Variants in CDK13 observed in about 807,000 individuals in gnomAD.
CDK13 encodes the protein cyclin dependent kinase 13.
CDK13 carries 40 observed loss-of-function variants against 137.6 expected under a neutral mutation model. The ratio of observed to expected loss-of-function variants is 0.29; its 90% confidence interval spans 0.23 to 0.38. The LOEUF is 0.38. CDK13 is among the 10% of genes least tolerant of loss of function. The pLI is 1.00. For missense variants in CDK13, 1,704 were observed against 1,951.8 expected, an observed-to-expected ratio of 0.87 and a Z score of 2.39; for synonymous variants, 869 against 760.1, an observed-to-expected ratio of 1.14 and a Z score of -2.36.
chr7:40,086,021 A>G (rs1221649878), intron 11 of CDK13, among the ~76,000 whole-genome samples: 1 of 152,130 alleles, frequency 6.6e-6, no homozygotes, highest in East Asian at 1.9e-4. Flanking sequence ...TCTTTTGTAT[A>G]TACTTTTTGT....
intron 5 of CDK13, among the ~76,000 whole-genome samples, chr7:40,026,956 C>T (rs975251674): frequency 2.0e-5 from 3 of 152,140 alleles, no homozygotes; most frequent in Non-Finnish European, 4.4e-5. Context: ...ATGATTCGCA[C>T]CTTTCTGATA....
intron 1 of CDK13, among the ~76,000 whole-genome samples, chr7:39,982,971 G>C (rs1784261325): frequency 6.6e-6 from 1 of 152,140 alleles, no homozygotes; most frequent in Admixed American, 6.6e-5. Context: ...TAGGTTGCCT[G>C]TTCACTCTGA....
At position 40,094,607 on chromosome 7, in the gene CDK13, G is replaced by A; in HGVS notation, c.4166G>A (p.Gly1389Asp). Residue 1389 changes from glycine (G) to aspartate (D), a missense_variant, in exon 14 of 14, where the codon GGT (glycine) becomes GAT (aspartate). Gly to Asp is a moderately conservative substitution (Grantham distance 94). Around this residue, in one of 5 missense-constraint regions of CDK13, gnomAD observed 475 missense variants for 579.3 expected, o/e 0.82. Transcript: ENST00000181839. Reference protein sequence around the residue: ...NYSTASSHSGGPPQPSAFSES... With the variant: ...NYSTASSHSGDPPQPSAFSES... ...AGTACTGCTTCATCTCATTCTGGTGGTCCACCTCAGCCTTCTGCCTTTTCT... is the reference window on the plus strand; with the variant it reads ...AGTACTGCTTCATCTCATTCTGGTGATCCACCTCAGCCTTCTGCCTTTTCT... The A allele has an allele frequency of 6.2e-7, 1 of 1,613,794 alleles. No individual in the cohort carries two copies.
chr7:39,950,619 C>T lies in CDK13; in HGVS notation c.-23C>T. On this transcript the variant is annotated 5_prime_UTR_variant, in exon 1 of 14. Transcript: ENST00000181839. ...CCGGGAGGAGGCCGCACCCGCGCCG[C>T]GCTCTGCGGCTGGCTCTAGGCGATG... 1.6e-6 allele frequency: 2 copies of T among 1,289,660 alleles called. No homozygotes were observed. The highest frequency in any genetic ancestry group is 2.0e-6 in the Non-Finnish European group (2 of 1,018,970). The allele number at this position is 1,289,660 out of a possible 1,614,324, so 79.9% of individuals were successfully genotyped here.
At chr7:39,978,232 T>TA (rs1290976769) in intron 1 of CDK13, among the ~76,000 whole-genome samples, 3 of 152,310 alleles carry the variant, frequency 2.0e-5, no homozygotes, top group Admixed American at 6.5e-5. Flanking sequence ...GCCATAGAAG[T>TA]AAGAAAATCA....
At chr7:40,020,598 T>A (rs990725855) in intron 5 of CDK13, among the ~76,000 whole-genome samples, 1 of 152,210 alleles carries the variant, frequency 6.6e-6, no homozygotes, top group African/African-American at 2.4e-5. Flanking sequence ...TACACATACT[T>A]CTTGCAACAT....
intron 11 of CDK13, among the ~76,000 whole-genome samples, chr7:40,083,307 C>G (rs939403108): frequency 1.3e-5 from 1 of 79,906 alleles, no homozygotes; most frequent in Non-Finnish European, 2.8e-5. Flanking sequence ...CCTGTCTTTA[C>G]AAAAAAAAAA....
At chr7:40,026,493 A>G (rs1374865475) in intron 5 of CDK13, among the ~76,000 whole-genome samples, 4 of 152,380 alleles carry the variant, frequency 2.6e-5, no homozygotes, top group Non-Finnish European at 5.9e-5. Flanking sequence ...AGCCTGGACA[A>G]CAGAATGAGA....
At chr7:40,092,586 G>T in intron 12 of CDK13, 199 bp from the exon 13 acceptor site, 1 of 532,452 alleles carries the variant, frequency 1.9e-6, no homozygotes. Context: ...ATTCAAAATT[G>T]ACTGCAGTTC....
chr7:39,988,218 C>A lies in CDK13; in HGVS notation c.1831C>A (p.Pro611Thr). ...ALVTSTLPPL[P>T]LPPMLPEDKE... Reference sequence around the variant, plus strand: ...AGTCACCTCTACATTACCACCGTTACCTTTGCCTCCCATGCTGCCTGAAGA... The same window carrying A: ...AGTCACCTCTACATTACCACCGTTAACTTTGCCTCCCATGCTGCCTGAAGA... The change falls in exon 2 of 14, where the codon CCT becomes ACT. Residue 611 changes from proline to threonine, a missense_variant. Physicochemically the swap from Pro to Thr is conservative, Grantham distance 38. This residue lies in a region of CDK13 where 1,051 missense variants were observed against 931.0 expected (regional missense o/e 1.13). Transcript: ENST00000181839. 1 of 1,610,866 alleles carries A rather than the reference C, an allele frequency of 6.2e-7. No individual in the cohort carries two copies. Among genetic ancestry groups the A allele is most frequent in the Non-Finnish European group, 8.5e-7 (1 of 1,179,198 alleles).
In CDK13 at chr7:40,096,968, TGAGTCTTA is replaced by T. The variant is rs2150550399; in HGVS notation, c.*1992_*1999del. 6.6e-6 allele frequency: 1 copy of T among 152,246 alleles called. No individual in the cohort carries two copies. The highest frequency in any genetic ancestry group is 2.4e-5 in the African/African-American group (1 of 41,574). 9.4% of individuals were successfully genotyped at this position (152,246 alleles called of 1,614,324 possible). ...TCAAGTATCTGAAATTTTAATATGGTGAGTCTTAGAGCTTTAGACTTTCCTATAAGTGA... is the reference window on the plus strand; with the variant it reads ...TCAAGTATCTGAAATTTTAATATGGTGAGCTTTAGACTTTCCTATAAGTGA... On this transcript the variant is annotated 3_prime_UTR_variant, in exon 14 of 14. Coordinates refer to ENST00000181839, the MANE Select transcript of CDK13 (RefSeq NM_003718.5).
intron 1 of CDK13, among the ~76,000 whole-genome samples, chr7:39,979,102 A>G (rs1784168902): frequency 6.6e-6 from 1 of 152,146 alleles, no homozygotes; most frequent in Non-Finnish European, 1.5e-5. Flanking sequence ...ACATGTAATA[A>G]TCGCTGAACA....
chr7:40,003,204 A>ACTCTCTCTCTCTCTCTCT (rs1247909926), intron 5 of CDK13, among the ~76,000 whole-genome samples: 9 of 81,230 alleles, frequency 1.1e-4, no homozygotes, highest in African/African-American at 4.0e-4. Flanking sequence ...ACACACACAC[A>ACTCTCTCTCTCTCTCTCT]CACTCTCTCT....
chr7:39,950,581 G>C lies in CDK13; in HGVS notation c.-61G>C. 7.8e-7 allele frequency: 1 copy of C among 1,282,510 alleles called. No homozygotes were observed. Among genetic ancestry groups the C allele is most frequent in the Non-Finnish European group, 9.9e-7 (1 of 1,015,204 alleles). The allele number at this position is 1,282,510 out of a possible 1,614,324, so 79.4% of individuals were successfully genotyped here. On this transcript the variant is annotated 5_prime_UTR_variant, in exon 1 of 14. Coordinates refer to ENST00000181839, the MANE Select transcript of CDK13 (RefSeq NM_003718.5). ...GCTCCCGTTTCCGGCGGGGGAGATGGCCAGGATCTGACCCGGGAGGAGGCC... is the reference window on the plus strand; with the variant it reads ...GCTCCCGTTTCCGGCGGGGGAGATGCCCAGGATCTGACCCGGGAGGAGGCC...
In CDK13 at chr7:40,094,417, G is replaced by A; in HGVS notation, c.3976G>A (p.Gly1326Arg). Reference sequence around the variant, plus strand: ...AGAAGGTGGGATTGATTATCAAGCAGGAGACACTTACGTGTCCACTTCAGA... The same window carrying A: ...AGAAGGTGGGATTGATTATCAAGCAAGAGACACTTACGTGTCCACTTCAGA... Reference protein sequence around the residue: ...KREGGIDYQAGDTYVSTSDYK... With the variant: ...KREGGIDYQARDTYVSTSDYK... The change falls in exon 14 of 14, where the codon GGA becomes AGA. Residue 1326 changes from glycine to arginine, a missense_variant. Physicochemically the swap from Gly to Arg is moderately radical, Grantham distance 125. This residue lies in a region of CDK13 where 475 missense variants were observed against 579.3 expected (regional missense o/e 0.82). Coordinates refer to ENST00000181839, the MANE Select transcript of CDK13 (RefSeq NM_003718.5). 6.2e-7 allele frequency: 1 copy of A among 1,614,024 alleles called. No individual in the cohort carries two copies. Among genetic ancestry groups the A allele is most frequent in the Non-Finnish European group, 8.5e-7 (1 of 1,180,024 alleles).
At chr7:40,075,587 ATTAATC>A (rs991305537) in intron 9 of CDK13, among the ~76,000 whole-genome samples, 22 of 152,160 alleles carry the variant, frequency 1.4e-4, no homozygotes, top group East Asian at 5.8e-4. Context: ...TCAAAATAAA[ATTAATC>A]TTAAGTTTCC....
rs17537992 is a variant in CDK13, at chr7:40,036,691, T to C, written c.2354-9145T>C. On this transcript the variant is annotated intron_variant, in intron 5 of 13. Coordinates refer to ENST00000181839, the MANE Select transcript of CDK13 (RefSeq NM_003718.5). ...TAACACATTTTGCTAAATTTACTTA[T>C]CCCTGTCAACTTAAAAAAAAAAACA... Among the ~76,000 whole-genome samples, 15 of 151,462 alleles carry C rather than the reference T, an allele frequency of 9.9e-5. 1 individual carries two copies. In the East Asian group the frequency reaches 2.1e-3, roughly 21 times the overall value.
intron 2 of CDK13, among the ~76,000 whole-genome samples, chr7:39,992,432 G>C (rs1258023467): frequency 1.3e-5 from 2 of 151,970 alleles, no homozygotes; most frequent in Non-Finnish European, 2.9e-5. Context: ...CCCTGACCTT[G>C]TGATCCTCCT....
intron 5 of CDK13, among the ~76,000 whole-genome samples, chr7:40,008,343 A>G (rs765068763): frequency 2.0e-5 from 3 of 152,210 alleles, no homozygotes; most frequent in Non-Finnish European, 2.9e-5. Flanking sequence ...AAGTTACAGA[A>G]CATTTTCATC....
Sources: allele counts gnomAD v4.1 joint callset (sites outside exome capture counted in the v4.1 genomes callset), GRCh38; gene constraint gnomAD v4.1.1; regional missense constraint gnomAD v4.1.1; transcripts MANE v1.5; gene names NCBI Gene and HGNC (gene_info 2026-07-23, HGNC 2026-07-21).